RBM44: variants seen among roughly 807,000 people sequenced by gnomAD.
RBM44 encodes RNA binding motif protein 44.
In RBM44, 66 loss-of-function variants were observed where a neutral mutation model predicts 105.1. The ratio of observed to expected loss-of-function variants is 0.63; its 90% CI spans 0.52 to 0.77. The LOEUF is 0.77. Among genes scored for constraint, RBM44 ranks in the 30% least tolerant of loss-of-function variants. RBM44 has a pLI of 0.00. For missense variants in RBM44, 1,122 were observed against 1,207.8 expected (o/e 0.93, Z 1.05); for synonymous variants, 365 against 417.6 (o/e 0.87, Z 1.54).
At chr2:237,811,905 A>C (rs1193586198) in intron 1 of RBM44, among the ~76,000 whole-genome samples, 2 of 152,142 alleles carry the variant, frequency 1.3e-5, no homozygotes, top group Non-Finnish European at 2.9e-5. Context: ...CCCAGGCTGG[A>C]GTGCATTAGT....
intron 1 of RBM44, among the ~76,000 whole-genome samples, chr2:237,805,227 A>G (rs1291494509): frequency 6.6e-6 from 1 of 152,222 alleles, no homozygotes; most frequent in East Asian, 1.9e-4. Context: ...CAAGAACATA[A>G]TACCACTTAC....
At chr2:237,811,818 C>T (rs1183035756) in intron 1 of RBM44, among the ~76,000 whole-genome samples, 6 of 152,118 alleles carry the variant, frequency 3.9e-5, no homozygotes, top group Non-Finnish European at 8.8e-5. Context: ...TCTCAATGCT[C>T]ATTTTTGTTT....
At position 237,841,109 on chromosome 2, in the gene RBM44, C is replaced by CA. The variant is rs2062007840; in HGVS notation, c.*23-729dup. On this transcript the variant is annotated intron_variant, in intron 15 of 15. Coordinates refer to ENST00000316997, the MANE Select transcript of RBM44 (RefSeq NM_001080504.3). This position sits in a 1 kb window ranked among gnomAD's most constrained non-coding sequence, Gnocchi z 4.5. ...AATGTAAATCATTGTACCATAAAGACACATGCATGTGCATATTTATCACAG... is the reference window on the plus strand; with the variant it reads ...AATGTAAATCATTGTACCATAAAGACAACATGCATGTGCATATTTATCACAG... Among the ~76,000 whole-genome samples the CA allele has an allele frequency of 1.3e-5, 2 of 152,204 alleles. No homozygotes were observed. The highest frequency in any genetic ancestry group is 4.8e-5 in the African/African-American group (2 of 41,444).
intron 1 of RBM44, among the ~76,000 whole-genome samples, chr2:237,813,154 A>G (rs999209811): frequency 1.3e-5 from 2 of 152,164 alleles, no homozygotes; most frequent in African/African-American, 4.8e-5. Flanking sequence ...GGCAGCTACT[A>G]ATATACTTTC....
At chr2:237,825,462 T>C (rs2061838576) in intron 10 of RBM44, among the ~76,000 whole-genome samples, 1 of 152,192 alleles carries the variant, frequency 6.6e-6, no homozygotes, top group African/African-American at 2.4e-5. Flanking sequence ...CACCTCAGCC[T>C]CCTGAAGTGC....
At position 237,829,354 on chromosome 2, in the gene RBM44, C is replaced by T. The variant is rs758832412; in HGVS notation, c.2738C>T (p.Ser913Phe). ...GGAGAATATACATCACCACTTTCCT[C>T]CAAAAATGGGAATAGAATTAGTTCG... is the stretch of plus-strand genomic sequence containing the variant. Reference protein sequence around the residue: ...ILGEYTSPLSSKNGNRISSNN... With the variant: ...ILGEYTSPLSFKNGNRISSNN... The change falls in exon 13 of 16, where the codon TCC becomes TTC. Residue 913 changes from serine (S) to phenylalanine (F), a missense_variant. Around this residue, in one of 3 missense-constraint regions of RBM44, gnomAD observed 194 missense variants for 225.5 expected, o/e 0.86. Coordinates refer to ENST00000316997, the MANE Select transcript of RBM44 (RefSeq NM_001080504.3). The T allele has an allele frequency of 1.2e-6, 2 of 1,613,570 alleles. No individual in the cohort carries two copies. Among genetic ancestry groups the T allele is most frequent in the Non-Finnish European group, 1.7e-6 (2 of 1,179,654 alleles).
chr2:237,813,488 T>C, intron 1 of RBM44, 104 bp from the exon 2 acceptor site: 2 of 606,502 alleles, frequency 3.3e-6, no homozygotes, highest in Non-Finnish European at 5.6e-6. Flanking sequence ...TTTTAAAAAA[T>C]GTTCCTTGGA....
At chr2:237,822,994 G>A (rs1303152376) in intron 8 of RBM44, among the ~76,000 whole-genome samples, 2 of 151,808 alleles carry the variant, frequency 1.3e-5, no homozygotes, top group African/African-American at 4.8e-5. Flanking sequence ...AAATTTAAAT[G>A]TAAACAATAA....
chr2:237,821,315 A>G (rs1342189137), intron 6 of RBM44, 31 bp from the exon 7 acceptor site: 1 of 1,561,642 alleles, frequency 6.4e-7, no homozygotes, highest in Non-Finnish European at 8.7e-7. Flanking sequence ...CATTTTAAAC[A>G]AAGATTTTTT....
At chr2:237,823,665 A>G in intron 9 of RBM44, 111 bp downstream of exon 9, 1 of 593,038 alleles carries the variant, frequency 1.7e-6, no homozygotes, top group African/African-American at 1.9e-5. Context: ...ATTGATGGAA[A>G]GGCATCATTC....
chr2:237,804,446 CTGT>C (rs1306267963), intron 1 of RBM44, among the ~76,000 whole-genome samples: 3 of 152,204 alleles, frequency 2.0e-5, no homozygotes, highest in Non-Finnish European at 2.9e-5. Context: ...TTGCCAGCAT[CTGT>C]TGTTTTTTGA....
At chr2:237,839,266 G>A (rs1194109012) in intron 15 of RBM44, among the ~76,000 whole-genome samples, 4 of 152,006 alleles carry the variant, frequency 2.6e-5, no homozygotes, top group South Asian at 2.1e-4. Context: ...GTGTGGGGAG[G>A]GGTTGGTTTG....
At chr2:237,839,398 G>A (rs2061989629) in intron 15 of RBM44, among the ~76,000 whole-genome samples, 1 of 152,138 alleles carries the variant, frequency 6.6e-6, no homozygotes, top group South Asian at 2.1e-4. Context: ...AGCCTCCCAA[G>A]TAGCTGAGAC....
intron 1 of RBM44, among the ~76,000 whole-genome samples, chr2:237,805,732 A>G (rs1260130136): frequency 6.6e-6 from 1 of 152,226 alleles, no homozygotes; most frequent in Non-Finnish European, 1.5e-5. Flanking sequence ...TGTGAGGCCA[A>G]GGCGGGAGGA....
intron 15 of RBM44, among the ~76,000 whole-genome samples, chr2:237,837,758 C>T (rs553872647): frequency 2.6e-4 from 38 of 145,810 alleles, no homozygotes; most frequent in African/African-American, 9.0e-4. Context: ...AATTCTCCCA[C>T]TCAGCCTCCC....
chr2:237,805,837 C>T (rs1198684449), intron 1 of RBM44, among the ~76,000 whole-genome samples: 4 of 152,072 alleles, frequency 2.6e-5, no homozygotes, highest in African/African-American at 9.7e-5. Context: ...TGGTGTTGTA[C>T]ACCTGTAGTC....
chr2:237,830,742 G>A (rs1419612437), intron 13 of RBM44, among the ~76,000 whole-genome samples: 1 of 152,100 alleles, frequency 6.6e-6, no homozygotes, highest in East Asian at 1.9e-4. Context: ...TTTTAGACTG[G>A]AACTGTTTCG....
chr2:237,832,982 T>G (rs2061917941), intron 13 of RBM44, among the ~76,000 whole-genome samples: 1 of 152,246 alleles, frequency 6.6e-6, no homozygotes, highest in Admixed American at 6.5e-5. Flanking sequence ...CCATGGAAGA[T>G]GTACCCAGAA....
Position 237,817,783 on chromosome 2 carries a change from A to G in RBM44, c.864A>G (p.Ser288=), listed in dbSNP as rs2061736392. The change falls in exon 3 of 16, where the codon TCA becomes TCG. Residue 288 remains serine, a synonymous_variant. Coordinates refer to ENST00000316997, the MANE Select transcript of RBM44 (RefSeq NM_001080504.3). The part of the protein sequence containing the change: ...HEKYKEQETN[S]MYHTVFDGSV... ...AGTATAAGGAACAAGAGACTAATTC[A>G]ATGTACCACACTGTATTTGATGGCA... The G allele has an allele frequency of 1.9e-6, 3 of 1,611,592 alleles. No individual in the cohort carries two copies. Among genetic ancestry groups the G allele is most frequent in the East Asian group, 4.5e-5 (2 of 44,810 alleles).
Sources: gnomAD v4.1 joint callset for allele counts (sites outside exome capture counted in the v4.1 genomes callset) on GRCh38, gnomAD v4.1.1 for gene constraint, gnomAD v4.1.1 regional missense constraint, Gnocchi (gnomAD v3.1) non-coding constraint, MANE v1.5 for transcripts, NCBI Gene and HGNC (gene_info 2026-07-23, HGNC 2026-07-21) for gene names.